The following CGNL1 variants were observed in gnomAD, a reference collection of about 807,000 sequenced individuals.
CGNL1 encodes cingulin like 1.
In CGNL1, 132 loss-of-function variants were observed where a neutral mutation model predicts 141.2. The observed-to-expected ratio is 0.93, with a 90% confidence interval of 0.81 to 1.08. The LOEUF (loss-of-function observed/expected upper bound fraction) is 1.08. Ranked by LOEUF, CGNL1 falls within the 50% of genes least tolerant of loss-of-function variation. The pLI, the probability that CGNL1 is intolerant of heterozygous loss-of-function variation, is 0.00. For synonymous variants in CGNL1, 690 were observed against 622.1 expected, an observed-to-expected ratio of 1.11 and a Z score of -1.63; for missense variants, 1,870 against 1,588.6, an observed-to-expected ratio of 1.18 and a Z score of -3.01.
At chr15:57,504,505 G>T (rs932355952) in intron 8 of CGNL1, among the ~76,000 whole-genome samples, 1 of 152,192 alleles carries the variant, frequency 6.6e-6, no homozygotes, top group Non-Finnish European at 1.5e-5. Context: ...AGGTCTTTAC[G>T]TGATGTGATA....
intron 12 of CGNL1, among the ~76,000 whole-genome samples, chr15:57,526,425 T>A (rs1055012992): frequency 6.6e-6 from 1 of 151,796 alleles, no homozygotes; most frequent in Non-Finnish European, 1.5e-5. Flanking sequence ...CAGGCTCAAC[T>A]CTGTTCACTG....
intron 1 of CGNL1, among the ~76,000 whole-genome samples, chr15:57,436,941 T>A (rs377563838): frequency 2.0e-5 from 3 of 152,156 alleles, no homozygotes; most frequent in South Asian, 2.1e-4. Flanking sequence ...AATGTGCTAG[T>A]AGATTGACTC....
intron 8 of CGNL1, among the ~76,000 whole-genome samples, chr15:57,509,818 A>G (rs1567161199): frequency 1.3e-5 from 2 of 152,132 alleles, no homozygotes; most frequent in East Asian, 3.9e-4. Context: ...AAAGTCAACT[A>G]TTTTTAAAGT....
intron 8 of CGNL1, among the ~76,000 whole-genome samples, chr15:57,480,619 T>C (rs2063713661): frequency 6.6e-6 from 1 of 152,184 alleles, no homozygotes; most frequent in African/African-American, 2.4e-5. Context: ...GTCCAGTTAG[T>C]TGTACCTGTC....
At chr15:57,499,980 T>C (rs2063999118) in intron 8 of CGNL1, among the ~76,000 whole-genome samples, 1 of 152,108 alleles carries the variant, frequency 6.6e-6, no homozygotes, top group South Asian at 2.1e-4. Flanking sequence ...TGTGTCATGG[T>C]GGAAGTACCA....
chr15:57,510,424 GA>G (rs1261577544), intron 8 of CGNL1, among the ~76,000 whole-genome samples: 6 of 152,174 alleles, frequency 3.9e-5, no homozygotes, highest in Non-Finnish European at 8.8e-5. Context: ...AACAGACAGA[GA>G]AGCATTTTTA....
intron 14 of CGNL1, among the ~76,000 whole-genome samples, chr15:57,536,398 A>T (rs1324338001): frequency 6.6e-6 from 1 of 152,236 alleles, no homozygotes; most frequent in Non-Finnish European, 1.5e-5. Flanking sequence ...GATTCAGGAA[A>T]TCCTAATTGA....
At chr15:57,529,494 C>T (rs2031823092) in intron 13 of CGNL1, among the ~76,000 whole-genome samples, 1 of 151,394 alleles carries the variant, frequency 6.6e-6, no homozygotes, top group South Asian at 2.1e-4. Flanking sequence ...CAAGAAGAAC[C>T]TTAGAATCAC....
At chr15:57,437,928 T>A in intron 1 of CGNL1, 57 bp from the exon 2 acceptor site, 1 of 1,423,556 alleles carries the variant, frequency 7.0e-7, no homozygotes. Context: ...CAGTCTTCAT[T>A]TAAACAGATG....
chr15:57,547,269 A>G, intron 18 of CGNL1, 86 bp from the exon 19 acceptor site: 6 of 1,478,554 alleles, frequency 4.1e-6, no homozygotes, highest in Non-Finnish European at 5.5e-6. Flanking sequence ...GTGCAGGGAC[A>G]GCAACCCAAA....
Position 57,547,337 on chromosome 15 carries a change from C to A in CGNL1, c.3774-18C>A. The A allele has an allele frequency of 6.2e-7, 1 of 1,613,492 alleles. No individual in the cohort carries two copies. The highest frequency in any genetic ancestry group is 1.1e-5 in the South Asian group (1 of 90,946). Reference sequence around the variant, plus strand: ...CCCGGCCCAGGGCCAGGAAACATGCCCCTTGTCATTTCAGCAGACTGAAGA... The same window carrying A: ...CCCGGCCCAGGGCCAGGAAACATGCACCTTGTCATTTCAGCAGACTGAAGA... On this transcript the variant is annotated intron_variant, in intron 18 of 18. Coordinates refer to ENST00000281282, the MANE Select transcript of CGNL1 (RefSeq NM_032866.5).
intron 1 of CGNL1, among the ~76,000 whole-genome samples, chr15:57,415,600 T>G (rs1054547220): frequency 3.9e-5 from 6 of 152,204 alleles, no homozygotes; most frequent in African/African-American, 1.2e-4. Context: ...CCCTTAAAAG[T>G]CTTCCAGATT....
chr15:57,472,756 T>C (rs1160981816), intron 8 of CGNL1, among the ~76,000 whole-genome samples: 1 of 152,188 alleles, frequency 6.6e-6, no homozygotes, highest in Non-Finnish European at 1.5e-5. Context: ...ATTTATAACA[T>C]GTGTCTTTGG....
At position 57,548,380 on chromosome 15, in the gene CGNL1, G is replaced by A. The variant is rs1235908166; in HGVS notation, c.*890G>A. On this transcript the variant is annotated 3_prime_UTR_variant, in exon 19 of 19. Transcript: ENST00000281282. ...AGAGGTGAGAAGAGAGAGAGAGAGA[G>A]AAAGTCAAATAAAGTCAAAGACCAG... is the stretch of plus-strand genomic sequence containing the variant. The A allele has an allele frequency of 1.3e-5, 2 of 152,132 alleles. No individual in the cohort carries two copies. The highest frequency in any genetic ancestry group is 2.4e-5 in the African/African-American group (1 of 41,398). 9.4% of individuals were successfully genotyped at this position (152,132 alleles called of 1,614,324 possible).
intron 13 of CGNL1, 32 bp downstream of exon 13, chr15:57,528,847 C>G (rs753846637): frequency 6.2e-7 from 1 of 1,607,580 alleles, no homozygotes; most frequent in South Asian, 1.1e-5. Context: ...AGCTGGGGGA[C>G]CTGCAGAGAG....
At chr15:57,425,716 G>T (rs7162116) in intron 1 of CGNL1, among the ~76,000 whole-genome samples, 2 of 147,004 alleles carry the variant, frequency 1.4e-5, no homozygotes, top group Non-Finnish European at 3.0e-5. Flanking sequence ...ACTCTAGCCT[G>T]GGTGACAGAG....
intron 8 of CGNL1, among the ~76,000 whole-genome samples, chr15:57,485,822 T>G: frequency 6.6e-6 from 1 of 152,226 alleles, no homozygotes; most frequent in East Asian, 1.9e-4. Context: ...ACATAGAATG[T>G]CCTGTATGCC....
At chr15:57,500,940 A>G (rs2064015228) in intron 8 of CGNL1, among the ~76,000 whole-genome samples, 1 of 152,228 alleles carries the variant, frequency 6.6e-6, no homozygotes, top group Non-Finnish European at 1.5e-5. Context: ...CCAGCTAACA[A>G]TAGTTGATTT....
intron 1 of CGNL1, among the ~76,000 whole-genome samples, chr15:57,431,773 G>C (rs550477453): frequency 2.1e-4 from 32 of 151,986 alleles, no homozygotes; most frequent in African/African-American, 7.5e-4. Flanking sequence ...TAGTGTTAGT[G>C]CATTTTATGT....
Sources: gnomAD v4.1 joint callset for allele counts (sites outside exome capture counted in the v4.1 genomes callset) on GRCh38, gnomAD v4.1.1 for gene constraint, MANE v1.5 for transcripts, NCBI Gene and HGNC (gene_info 2026-07-23, HGNC 2026-07-21) for gene names.